Variants in GRM7 observed in about 807,000 individuals in gnomAD.
GRM7 encodes glutamate metabotropic receptor 7.
In GRM7, 35 loss-of-function variants were observed where a neutral mutation model predicts 84.5. The ratio of observed to expected loss-of-function variants is 0.41; its 90% CI spans 0.32 to 0.55. The LOEUF is 0.55. GRM7 is among the 20% of genes least tolerant of loss of function. GRM7 has a pLI of 0.19. For missense variants in GRM7, 1,003 were observed against 1,194.6 expected (o/e 0.84, Z 2.36); for synonymous variants, 487 against 455.1 (o/e 1.07, Z -0.89).
At chr3:7,023,523 T>C (rs773694024) in intron 1 of GRM7, among the ~76,000 whole-genome samples, 2 of 152,158 alleles carry the variant, frequency 1.3e-5, no homozygotes, top group African/African-American at 4.8e-5. Context: ...CTTCTAGGAC[T>C]GCAGTAACAA....
At chr3:7,228,365 A>C (rs1027948615) in intron 2 of GRM7, among the ~76,000 whole-genome samples, 3 of 152,252 alleles carry the variant, frequency 2.0e-5, no homozygotes, top group African/African-American at 7.2e-5. Flanking sequence ...CATTAATGAA[A>C]ATCAAATTTA....
At chr3:7,662,460 C>T (rs923865720) in intron 8 of GRM7, among the ~76,000 whole-genome samples, 1 of 152,068 alleles carries the variant, frequency 6.6e-6, no homozygotes, top group Non-Finnish European at 1.5e-5. Context: ...AAGACATAAC[C>T]GAATGCAATG....
At chr3:7,366,792 A>T (rs1693910285) in intron 4 of GRM7, among the ~76,000 whole-genome samples, 2 of 151,664 alleles carry the variant, frequency 1.3e-5, no homozygotes, top group African/African-American at 4.8e-5. Flanking sequence ...TTATCACTCT[A>T]CTCTCTTATC....
rs552147173 is a variant in GRM7, at chr3:7,305,478, C to T, written c.879-1020C>T. On this transcript the variant is annotated intron_variant, in intron 3 of 9. Transcript: ENST00000357716. ...TGTCATCTAGCATTAGGTATATCTC[C>T]CAATGCTATCCCTCCCCCCTCCCCC... 4.6e-4 allele frequency among the ~76,000 whole-genome samples: 38 copies of T among 81,832 alleles called. 3 individuals carry two copies. The highest frequency in any genetic ancestry group is 1.2e-3 in the African/African-American group (36 of 29,112). 53.7% of individuals were successfully genotyped at this position (81,832 alleles called of 152,430 possible).
chr3:6,872,637 C>T (rs747969170), intron 1 of GRM7, among the ~76,000 whole-genome samples: 5 of 151,986 alleles, frequency 3.3e-5, no homozygotes, highest in Admixed American at 1.3e-4. Context: ...CGACAGGCCC[C>T]GGTGTGTGAT....
rs1387026609 is a variant in GRM7, at chr3:7,572,879, T to TATATATATAA, written c.1516-5542_1516-5541insTATATATAAA. ...ATATATATATATATATATATATATA[T>TATATATATAA]AAATAATCTTTCTACCTATAATAAT... On this transcript the variant is annotated intron_variant, in intron 7 of 9. Transcript: ENST00000357716. 3.3e-4 allele frequency among the ~76,000 whole-genome samples: 22 copies of TATATATATAA among 66,150 alleles called. 3 individuals are homozygous for TATATATATAA. Among genetic ancestry groups the TATATATATAA allele is most frequent in the Non-Finnish European group, 4.7e-4 (14 of 29,614 alleles). The allele number at this position is 66,150 out of a possible 152,430, so 43.4% of individuals were successfully genotyped here. A position where few individuals can be genotyped will look rare whatever the true frequency, so the allele number is the denominator to read the frequency against.
intron 7 of GRM7, among the ~76,000 whole-genome samples, chr3:7,473,309 A>T (rs1260648666): frequency 6.6e-6 from 1 of 152,054 alleles, no homozygotes; most frequent in Non-Finnish European, 1.5e-5. Flanking sequence ...CTATACAAAA[A>T]TTTTAAAAAA....
At chr3:7,725,026 A>G (rs560603373) in intron 9 of GRM7, among the ~76,000 whole-genome samples, 9 of 152,262 alleles carry the variant, frequency 5.9e-5, no homozygotes, top group African/African-American at 2.2e-4. Flanking sequence ...GCAATAATAC[A>G]CAGTTCTAAG....
chr3:6,988,716 T>G (rs1046064849), intron 1 of GRM7, among the ~76,000 whole-genome samples: 1 of 152,216 alleles, frequency 6.6e-6, no homozygotes, highest in African/African-American at 2.4e-5. Flanking sequence ...TTTGCAAATA[T>G]TCAGAAGAAC....
At chr3:7,247,153 T>A (rs1697794003) in intron 2 of GRM7, among the ~76,000 whole-genome samples, 1 of 152,122 alleles carries the variant, frequency 6.6e-6, no homozygotes, top group Non-Finnish European at 1.5e-5. Context: ...ACATGAATAT[T>A]AATCAGTCAT....
intron 2 of GRM7, among the ~76,000 whole-genome samples, chr3:7,204,412 C>A (rs916615082): frequency 6.6e-6 from 1 of 152,134 alleles, no homozygotes; most frequent in African/African-American, 2.4e-5. Context: ...ATTGGGTTAC[C>A]CATCAATTAT....
At chr3:7,007,059 A>G (rs1695202046) in intron 1 of GRM7, among the ~76,000 whole-genome samples, 1 of 152,190 alleles carries the variant, frequency 6.6e-6, no homozygotes, top group Non-Finnish European at 1.5e-5. Flanking sequence ...GGCTGAATAT[A>G]TTGGTTCAAG....
Position 7,242,086 on chromosome 3 carries a change from A to G in GRM7, c.737-56598A>G, listed in dbSNP as rs1028527214. 3.3e-5 allele frequency among the ~76,000 whole-genome samples: 5 copies of G among 152,306 alleles called. No homozygotes were observed. The East Asian group carries it at 9.7e-4, about 29-fold the overall frequency. On this transcript the variant is annotated intron_variant, in intron 2 of 9. Transcript: ENST00000357716. ...TAACCACCAACTGAGGTGTTAACTT[A>G]TAACCCCTTTTTGTGCCAGATCTTT...
chr3:7,243,468 C>T (rs188287898), intron 2 of GRM7, among the ~76,000 whole-genome samples: 199 of 152,182 alleles, frequency 1.3e-3, no homozygotes, highest in African/African-American at 4.5e-3. Context: ...ACTGTTCAGG[C>T]TTCTGGGTTA....
intron 6 of GRM7, among the ~76,000 whole-genome samples, chr3:7,459,474 G>T (rs1698150282): frequency 6.6e-6 from 1 of 152,086 alleles, no homozygotes; most frequent in Non-Finnish European, 1.5e-5. Flanking sequence ...AATTTATAAA[G>T]AAAAGGGGGT....
At chr3:7,444,105 C>T (rs761308604) in intron 5 of GRM7, among the ~76,000 whole-genome samples, 30 of 152,102 alleles carry the variant, frequency 2.0e-4, no homozygotes, top group Admixed American at 3.9e-4. Context: ...TGCACAGATT[C>T]GTTTTTCATC....
Position 7,186,741 on chromosome 3 carries a change from G to A in GRM7, c.736+40073G>A, listed in dbSNP as rs142402933. 4.6e-3 allele frequency among the ~76,000 whole-genome samples: 697 copies of A among 152,132 alleles called. 4 individuals are homozygous for A. Among genetic ancestry groups the A allele is most frequent in the African/African-American group, 0.016 (650 of 41,496 alleles). Reference sequence around the variant, plus strand: ...AGCTTGTCTTTCTGGTGTAATTATAGTCTCCCTTGTAATATATTACTTTTC... The same window carrying A: ...AGCTTGTCTTTCTGGTGTAATTATAATCTCCCTTGTAATATATTACTTTTC... On this transcript the variant is annotated intron_variant, in intron 2 of 9. Coordinates refer to ENST00000357716, the MANE Select transcript of GRM7 (RefSeq NM_000844.4).
intron 4 of GRM7, among the ~76,000 whole-genome samples, chr3:7,336,015 G>A (rs753117983): frequency 1.7e-4 from 26 of 151,786 alleles, no homozygotes; most frequent in Non-Finnish European, 3.7e-4. Context: ...TATTCCAAAT[G>A]ATAAAGAGGG....
At chr3:7,178,884 C>T (rs1156703566) in intron 2 of GRM7, among the ~76,000 whole-genome samples, 1 of 151,822 alleles carries the variant, frequency 6.6e-6, no homozygotes, top group Non-Finnish European at 1.5e-5. Context: ...AGTTTGAGAC[C>T]AGTCTGGCCA....
Sources: allele counts gnomAD v4.1 joint callset (sites outside exome capture counted in the v4.1 genomes callset), GRCh38; gene constraint gnomAD v4.1.1; transcripts MANE v1.5; gene names NCBI Gene and HGNC (gene_info 2026-07-23, HGNC 2026-07-21).